PPP2R2D: variants seen among roughly 807,000 people sequenced by gnomAD.
The protein encoded by PPP2R2D is protein phosphatase 2 regulatory subunit Bdelta, also known as serine/threonine-protein phosphatase 2A 55 kDa regulatory subunit B delta isoform.
PPP2R2D carries 9 observed loss-of-function variants against 31.1 expected under a neutral mutation model. The observed-to-expected ratio is 0.29, with a 90% CI of 0.17 to 0.51. The LOEUF is 0.51. Ranked by LOEUF, PPP2R2D falls within the 20% of genes least tolerant of loss-of-function variation. PPP2R2D has a pLI of 0.98. For synonymous variants in PPP2R2D, 179 were observed against 172.6 expected, an observed-to-expected ratio of 1.04 and a Z score of -0.29; for missense variants, 391 against 465.6, an observed-to-expected ratio of 0.84 and a Z score of 1.48.
At chr10:131,924,972 G>A (rs1490001475) in intron 2 of PPP2R2D, among the ~76,000 whole-genome samples, 2 of 152,156 alleles carry the variant, frequency 1.3e-5, no homozygotes, top group East Asian at 1.9e-4. Flanking sequence ...ATTGCTAGGT[G>A]TAGAAATGCA....
At chr10:131,935,021 C>T (rs1249713578) in intron 3 of PPP2R2D, 1 of 453,724 alleles carries the variant, frequency 2.2e-6, no homozygotes, top group African/African-American at 2.0e-5. Context: ...GCAGCACTCA[C>T]TCCTCCATGC....
chr10:131,934,733 G>GC (rs1554896210), intron 3 of PPP2R2D, among the ~76,000 whole-genome samples, 178 bp downstream of exon 3: 2 of 152,214 alleles, frequency 1.3e-5, no homozygotes, highest in African/African-American at 4.8e-5. Flanking sequence ...CAGCTGCTGA[G>GC]CCCCGGTGAA....
At chr10:131,913,413 C>G (rs1354419188) in intron 2 of PPP2R2D, among the ~76,000 whole-genome samples, 4 of 152,016 alleles carry the variant, frequency 2.6e-5, no homozygotes, top group Admixed American at 2.6e-4. Flanking sequence ...TCCTCTGCCC[C>G]CATTCCACAC....
At chr10:131,952,857 CGGGGG>C (rs574762227) in intron 8 of PPP2R2D, among the ~76,000 whole-genome samples, 5 of 19,856 alleles carry the variant, frequency 2.5e-4, no homozygotes, top group African/African-American at 1.5e-3. Context: ...CAGTGACTTG[CGGGGG>C]GGGTCCCTGT....
chr10:131,909,360 C>T (rs1052837741), intron 2 of PPP2R2D, among the ~76,000 whole-genome samples: 10 of 152,194 alleles, frequency 6.6e-5, no homozygotes, highest in African/African-American at 1.7e-4. Flanking sequence ...TTAACAAGGT[C>T]ACTCTGCCCT....
intron 2 of PPP2R2D, chr10:131,912,214 G>T (rs1459509235): frequency 6.6e-6 from 1 of 151,922 alleles, no homozygotes; most frequent in African/African-American, 2.4e-5. Context: ...TTGGAAATAG[G>T]GTCTTACTCC....
At chr10:131,910,960 C>T (rs1347689612) in intron 2 of PPP2R2D, among the ~76,000 whole-genome samples, 3 of 152,194 alleles carry the variant, frequency 2.0e-5, no homozygotes. Context: ...GACACGGGAG[C>T]TCTGTGTCTC....
At chr10:131,913,920 A>G (rs1421623165) in intron 2 of PPP2R2D, among the ~76,000 whole-genome samples, 3 of 152,224 alleles carry the variant, frequency 2.0e-5, no homozygotes, top group East Asian at 1.9e-4. Flanking sequence ...TAAAACCACA[A>G]CTAAAATAGG....
At chr10:131,952,684 G>T (rs2036687163) in intron 8 of PPP2R2D, among the ~76,000 whole-genome samples, 1 of 69,408 alleles carries the variant, frequency 1.4e-5, no homozygotes, top group African/African-American at 6.2e-5. Context: ...TGACTTTCGG[G>T]TGTGTGGGGG....
At chr10:131,933,043 CATA>C (rs2036271372) in intron 2 of PPP2R2D, among the ~76,000 whole-genome samples, 1 of 152,170 alleles carries the variant, frequency 6.6e-6, no homozygotes, top group South Asian at 2.1e-4. Flanking sequence ...TAATCCAATA[CATA>C]ATATTTTAGT....
the PPP2R2D span, chr10:131,970,762 G>A: frequency 1.4e-5 from 22 of 1,614,086 alleles, no homozygotes; most frequent in African/African-American, 1.5e-4. The surrounding 1 kb of genome is among the most constrained non-coding windows in gnomAD (Gnocchi z 4.1). Context: ...GTGGCCGTGC[G>A]CTTCGGGTGT....
intron 2 of PPP2R2D, among the ~76,000 whole-genome samples, chr10:131,920,426 A>T (rs1422520341): frequency 6.6e-6 from 1 of 152,048 alleles, no homozygotes; most frequent in Non-Finnish European, 1.5e-5. Context: ...CGCGGGTGGA[A>T]TGACACAGTG....
At chr10:131,946,439 GCGCCCCC>G (rs2036543235) in intron 7 of PPP2R2D, among the ~76,000 whole-genome samples, 2 of 152,050 alleles carry the variant, frequency 1.3e-5, no homozygotes, top group African/African-American at 4.8e-5. Context: ...ATGTGCAGCG[GCGCCCCC>G]AGTGCCTCGG....
At chr10:131,925,501 C>A (rs11591860) in intron 2 of PPP2R2D, among the ~76,000 whole-genome samples, 37,727 of 152,030 alleles carry the variant, frequency 0.25, 4,782 homozygotes, top group African/African-American at 0.29. Context: ...TGGTATACTT[C>A]TCATATTTCA....
chr10:131,921,304 A>G lies in PPP2R2D; in HGVS notation c.101-13154A>G, dbSNP rs370731573. Among the ~76,000 whole-genome samples the G allele has an allele frequency of 8.5e-5, 13 of 152,298 alleles. 1 individual carries two copies. Among genetic ancestry groups the G allele is most frequent in the African/African-American group, 2.9e-4 (12 of 41,570 alleles). ...GTGACCGGGGGAATGTCCCAGCCTCACTTTGCAGGTGCAGTTGAGAAGGCA... is the reference window on the plus strand; with the variant it reads ...GTGACCGGGGGAATGTCCCAGCCTCGCTTTGCAGGTGCAGTTGAGAAGGCA... On this transcript the variant is annotated intron_variant, in intron 2 of 8. Coordinates refer to ENST00000455566, the MANE Select transcript of PPP2R2D (RefSeq NM_018461.5).
chr10:131,937,165 C>G (rs1294525402), intron 3 of PPP2R2D, among the ~76,000 whole-genome samples: 1 of 152,204 alleles, frequency 6.6e-6, no homozygotes, highest in Non-Finnish European at 1.5e-5. Flanking sequence ...GCCTGAGATT[C>G]AGGAGTCAGG....
At position 131,959,761 on chromosome 10, in the gene PPP2R2D, G is replaced by A. The variant is rs1313041778; in HGVS notation, c.*3798G>A. On this transcript the variant is annotated 3_prime_UTR_variant, in exon 9 of 9. Coordinates refer to ENST00000455566, the MANE Select transcript of PPP2R2D (RefSeq NM_018461.5). Reference sequence around the variant, plus strand: ...AACCCTGGTCCTTAAGACAGTTCTAGTAAAATGGGATTGTATATATTTGTT... The same window carrying A: ...AACCCTGGTCCTTAAGACAGTTCTAATAAAATGGGATTGTATATATTTGTT... The A allele has an allele frequency of 1.3e-5, 2 of 152,234 alleles. No homozygotes were observed. Among genetic ancestry groups the A allele is most frequent in the African/African-American group, 2.4e-5 (1 of 41,450 alleles). The allele number at this position is 152,234 out of a possible 1,614,324, so 9.4% of individuals were successfully genotyped here.
chr10:131,905,226 G>A (rs1179763396), intron 2 of PPP2R2D, among the ~76,000 whole-genome samples: 1 of 152,162 alleles, frequency 6.6e-6, no homozygotes, highest in Admixed American at 6.6e-5. Flanking sequence ...AGTTGACCAA[G>A]AGTTAAAATA....
At chr10:131,913,434 G>A (rs1043830036) in intron 2 of PPP2R2D, among the ~76,000 whole-genome samples, 5 of 151,950 alleles carry the variant, frequency 3.3e-5, no homozygotes, top group Non-Finnish European at 7.4e-5. Flanking sequence ...TCTCCTCTCC[G>A]AGTACAGCTG....
Sources: allele counts gnomAD v4.1 joint callset (sites outside exome capture counted in the v4.1 genomes callset), GRCh38; gene constraint gnomAD v4.1.1; non-coding constraint Gnocchi (gnomAD v3.1); transcripts MANE v1.5; gene names NCBI Gene and HGNC (gene_info 2026-07-23, HGNC 2026-07-21).